LRRC4C: variants seen among roughly 807,000 people sequenced by gnomAD.
The protein encoded by LRRC4C is leucine-rich repeat-containing protein 4C.
In LRRC4C, 5 loss-of-function variants were observed where a neutral mutation model predicts 33.6. That is an observed-to-expected ratio of 0.15 (90% CI 0.08 to 0.31). The LOEUF (loss-of-function observed/expected upper bound fraction) is 0.31, where lower values mean the gene tolerates loss of function less well. Ranked by LOEUF, LRRC4C falls within the 10% of genes least tolerant of loss-of-function variation. LRRC4C has a pLI of 1.00. For synonymous variants in LRRC4C, 329 were observed against 302.0 expected (o/e 1.09, Z -0.93); for missense variants, 560 against 796.7 (o/e 0.70, Z 3.58).
At chr11:40,288,142 A>G (rs1271397526) in intron 4 of LRRC4C, among the ~76,000 whole-genome samples, 1 of 152,212 alleles carries the variant, frequency 6.6e-6, no homozygotes, top group East Asian at 1.9e-4. Flanking sequence ...AAACAGGCTC[A>G]GAGAGGTTAA....
intron 2 of LRRC4C, among the ~76,000 whole-genome samples, chr11:40,681,901 C>T (rs1944707487): frequency 6.6e-6 from 1 of 152,070 alleles, no homozygotes. Flanking sequence ...GCTATGAGGA[C>T]ACAGAGGCAT....
intron 1 of LRRC4C, among the ~76,000 whole-genome samples, chr11:41,200,466 A>C (rs1797523535): frequency 6.6e-6 from 1 of 152,112 alleles, no homozygotes; most frequent in Non-Finnish European, 1.5e-5. Context: ...TTAGAGGTTC[A>C]GGCAGAGACT....
At chr11:41,155,776 T>A (rs1944203928) in intron 1 of LRRC4C, among the ~76,000 whole-genome samples, 1 of 152,126 alleles carries the variant, frequency 6.6e-6, no homozygotes, top group Non-Finnish European at 1.5e-5. Context: ...GAATAATTAA[T>A]CTCTCTCTCT....
chr11:41,156,828 G>A (rs1002641466), intron 1 of LRRC4C, among the ~76,000 whole-genome samples: 13 of 152,020 alleles, frequency 8.6e-5, no homozygotes, highest in African/African-American at 2.9e-4. Context: ...GCAGATATCT[G>A]GCAGTGCTAT....
At chr11:40,548,336 C>T (rs1353850826) in intron 3 of LRRC4C, among the ~76,000 whole-genome samples, 1 of 151,966 alleles carries the variant, frequency 6.6e-6, no homozygotes, top group Non-Finnish European at 1.5e-5. Context: ...AGGGAAGGCA[C>T]TAATTCAATA....
chr11:40,900,230 G>A (rs1192167926), intron 2 of LRRC4C, among the ~76,000 whole-genome samples: 1 of 151,984 alleles, frequency 6.6e-6, no homozygotes, highest in Non-Finnish European at 1.5e-5. Flanking sequence ...TGAACAAATT[G>A]TTCTAAATGT....
chr11:41,329,035 G>C (rs1350336092), intron 1 of LRRC4C, among the ~76,000 whole-genome samples: 3 of 152,096 alleles, frequency 2.0e-5, no homozygotes, highest in Non-Finnish European at 4.4e-5. Context: ...AAAATAGTAT[G>C]TGTTTCTGGA....
intron 1 of LRRC4C, among the ~76,000 whole-genome samples, chr11:41,266,782 G>C (rs1356150329): frequency 1.3e-5 from 2 of 152,234 alleles, no homozygotes; most frequent in East Asian, 3.9e-4. Context: ...CCAGTGGCTT[G>C]TAGGAGCAAG....
chr11:41,404,482 CTG>C (rs144992211), intron 1 of LRRC4C, among the ~76,000 whole-genome samples: 11,504 of 145,958 alleles, frequency 0.079, 1,464 homozygotes, highest in African/African-American at 0.27. Context: ...GTGTGTGTGT[CTG>C]TGTGTGTGTG....
At chr11:40,152,269 G>A (rs1858282488) in intron 5 of LRRC4C, among the ~76,000 whole-genome samples, 1 of 152,178 alleles carries the variant, frequency 6.6e-6, no homozygotes, top group Non-Finnish European at 1.5e-5. Context: ...GTAAAATATA[G>A]GGGCAGAAGA....
intron 3 of LRRC4C, among the ~76,000 whole-genome samples, chr11:40,349,974 A>T (rs1473388379): frequency 1.3e-5 from 2 of 152,010 alleles, no homozygotes; most frequent in African/African-American, 4.8e-5. Context: ...TGACCTCCTT[A>T]TATATTCTGG....
chr11:40,536,939 C>A (rs191998889), intron 3 of LRRC4C, among the ~76,000 whole-genome samples: 13 of 152,260 alleles, frequency 8.5e-5, no homozygotes, highest in Middle Eastern at 3.4e-3. Context: ...GGAATATTAG[C>A]TTCATGGGAG....
intron 1 of LRRC4C, among the ~76,000 whole-genome samples, chr11:41,163,282 C>CTTTTTTTTTTTTT (rs1207086558): frequency 5.1e-3 from 95 of 18,480 alleles, no homozygotes; most frequent in East Asian, 0.022. Flanking sequence ...TTTACTGTAA[C>CTTTTTTTTTTTTT]TGTTTTTTTT....
intron 2 of LRRC4C, among the ~76,000 whole-genome samples, chr11:40,799,544 G>T (rs1400368946): frequency 2.6e-5 from 4 of 152,124 alleles, no homozygotes; most frequent in Non-Finnish European, 4.4e-5. Context: ...ACCCAGGCTG[G>T]AGTGTAGTGA....
intron 3 of LRRC4C, among the ~76,000 whole-genome samples, chr11:40,417,528 G>C (rs1312234366): frequency 6.6e-6 from 1 of 151,428 alleles, no homozygotes; most frequent in Non-Finnish European, 1.5e-5. Context: ...TTTTAGCAGA[G>C]ACTAAGTTTC....
chr11:40,924,380 T>A (rs1477403165), intron 2 of LRRC4C, among the ~76,000 whole-genome samples: 3 of 151,882 alleles, frequency 2.0e-5, no homozygotes, highest in Non-Finnish European at 4.4e-5. Flanking sequence ...TTGAAAGAAG[T>A]AATTTTGGAA....
At chr11:40,899,283 A>G (rs1296472069) in intron 2 of LRRC4C, among the ~76,000 whole-genome samples, 3 of 152,122 alleles carry the variant, frequency 2.0e-5, no homozygotes, top group Non-Finnish European at 4.4e-5. Context: ...TTACACTAGA[A>G]GTAGCTATAT....
intron 2 of LRRC4C, among the ~76,000 whole-genome samples, chr11:40,843,268 C>T (rs540763552): frequency 6.6e-6 from 1 of 152,228 alleles, no homozygotes; most frequent in South Asian, 2.1e-4. Context: ...TACTCTCAGT[C>T]CTTTAATACC....
chr11:40,867,251 A>G (rs1954412336), intron 2 of LRRC4C, among the ~76,000 whole-genome samples: 1 of 152,136 alleles, frequency 6.6e-6, no homozygotes, highest in Non-Finnish European at 1.5e-5. Context: ...ATTGTACTCC[A>G]TATATATCTA....
Sources: allele counts gnomAD v4.1 joint callset (sites outside exome capture counted in the v4.1 genomes callset), GRCh38; gene constraint gnomAD v4.1.1; transcripts MANE v1.5; gene names NCBI Gene and HGNC (gene_info 2026-07-23, HGNC 2026-07-21).